VPS13B: variants seen among roughly 807,000 people sequenced by gnomAD.
VPS13B encodes intermembrane lipid transfer protein VPS13B.
A neutral mutation model predicts 426.4 loss-of-function variants in VPS13B; 285 were observed. The observed-to-expected ratio is 0.67, with a 90% CI of 0.61 to 0.74. The LOEUF (loss-of-function observed/expected upper bound fraction) is 0.74. Among genes scored for constraint, VPS13B ranks in the 30% least tolerant of loss-of-function variants. VPS13B has a pLI of 0.00. For missense variants in VPS13B, 4,537 were observed against 4,782.6 expected, an observed-to-expected ratio of 0.95 and a Z score of 1.51; for synonymous variants, 1,676 against 1,676.4, an observed-to-expected ratio of 1.00 and a Z score of 0.01.
At chr8:99,712,759 CAA>C (rs386360840) in intron 36 of VPS13B, among the ~76,000 whole-genome samples, 5,072 of 98,034 alleles carry the variant, frequency 0.052, 99 homozygotes, top group East Asian at 0.076. Flanking sequence ...GTCCCCAAGC[CAA>C]AAAAAAAAAA....
intron 39 of VPS13B, among the ~76,000 whole-genome samples, chr8:99,724,696 C>T (rs1833264222): frequency 6.6e-6 from 1 of 152,130 alleles, no homozygotes; most frequent in South Asian, 2.1e-4. Context: ...CTTGTTTCCT[C>T]CCCTCCGCTT....
chr8:99,772,661 T>C (rs1266263287), intron 40 of VPS13B, among the ~76,000 whole-genome samples: 1 of 152,220 alleles, frequency 6.6e-6, no homozygotes, highest in African/African-American at 2.4e-5. Flanking sequence ...GAAAATAGTA[T>C]GCATCATATT....
Position 99,824,052 on chromosome 8 carries a change from C to T in VPS13B, c.9330+74C>T, listed in dbSNP as rs570312425. The stretch of plus-strand genomic sequence containing the variant: ...ATAAATAGGATCAACTTCTCTTTAA[C>T]CTATAGCAAATGAAAAGCTAACCCT... On this transcript the variant is annotated intron_variant, in intron 51 of 61. Transcript: ENST00000357162. 62 of 1,541,624 alleles carry T rather than the reference C, an allele frequency of 4.0e-5. No homozygotes were observed. The African/African-American group carries it at 8.2e-4, about 20-fold the overall frequency.
At chr8:99,130,422 CTG>C (rs1331339855) in intron 8 of VPS13B, among the ~76,000 whole-genome samples, 1 of 147,938 alleles carries the variant, frequency 6.8e-6, no homozygotes, top group Non-Finnish European at 1.5e-5. Context: ...GAGTCTCACA[CTG>C]TTGCCCAGGC....
intron 19 of VPS13B, among the ~76,000 whole-genome samples, chr8:99,321,522 G>A (rs1809986741): frequency 1.3e-5 from 2 of 151,972 alleles, no homozygotes; most frequent in East Asian, 1.9e-4. Flanking sequence ...CCAAATTTTC[G>A]AATGTGCGTA....
In VPS13B at chr8:99,071,971, G is replaced by A. The variant is rs1844876084; in HGVS notation, c.292-24341G>A. 1.3e-5 allele frequency among the ~76,000 whole-genome samples: 2 copies of A among 152,290 alleles called. 1 individual carries two copies. Among genetic ancestry groups the A allele is most frequent in the South Asian group, 4.1e-4 (2 of 4,824 alleles). ...GGCCTGGGTCTGTCCCTTTAGGGCA[G>A]TGGGCTCCCCTCTGGCCCAGGACAG... On this transcript the variant is annotated intron_variant, in intron 3 of 61. Coordinates refer to ENST00000357162, the MANE Select transcript of VPS13B (RefSeq NM_152564.5).
chr8:99,822,293 G>A (rs1814413774), intron 50 of VPS13B, among the ~76,000 whole-genome samples: 1 of 152,156 alleles, frequency 6.6e-6, no homozygotes, highest in African/African-American at 2.4e-5. Context: ...AGTCTTTTGA[G>A]AAAAGTTAGG....
rs114523983 is a variant in VPS13B, at chr8:99,350,899, T to C, written c.2825-33309T>C. 7.2e-3 allele frequency among the ~76,000 whole-genome samples: 1,095 copies of C among 151,964 alleles called. 8 individuals carry two copies. Among genetic ancestry groups the C allele is most frequent in the African/African-American group, 0.025 (1,056 of 41,508 alleles). ...TGTAGTATGAATCAGGAGATTGTAA[T>C]ATGTAATATTTTGAGTTACCTTGAA... is the stretch of plus-strand genomic sequence containing the variant. On this transcript the variant is annotated intron_variant, in intron 19 of 61. Transcript: ENST00000357162.
intron 2 of VPS13B, among the ~76,000 whole-genome samples, chr8:99,027,143 C>G (rs1241859331): frequency 6.6e-6 from 1 of 152,152 alleles, no homozygotes; most frequent in Non-Finnish European, 1.5e-5. Flanking sequence ...TCCCAAAATG[C>G]TGGGAGTACA....
chr8:99,695,157 A>G (rs1359576244), intron 35 of VPS13B, among the ~76,000 whole-genome samples: 1 of 151,438 alleles, frequency 6.6e-6, no homozygotes, highest in Non-Finnish European at 1.5e-5. Context: ...TCAGGGATCT[A>G]AAACTAGAAA....
intron 33 of VPS13B, among the ~76,000 whole-genome samples, chr8:99,602,632 C>T (rs531983236): frequency 6.6e-6 from 1 of 152,276 alleles, no homozygotes; most frequent in African/African-American, 2.4e-5. Flanking sequence ...ATTTAGAAAA[C>T]CCCATTGTCT....
intron 19 of VPS13B, among the ~76,000 whole-genome samples, chr8:99,323,624 G>C (rs1471814356): frequency 1.3e-5 from 2 of 152,146 alleles, no homozygotes; most frequent in East Asian, 3.8e-4. Flanking sequence ...TAAATAATTG[G>C]AAATGGAAGT....
chr8:99,656,375 TTTA>T (rs1830018281), intron 34 of VPS13B, among the ~76,000 whole-genome samples: 1 of 152,154 alleles, frequency 6.6e-6, no homozygotes, highest in African/African-American at 2.4e-5. Flanking sequence ...TCAGCAGGAA[TTTA>T]TTATTTTTGA....
At chr8:99,558,410 TTTA>T (rs138533550) in intron 31 of VPS13B, among the ~76,000 whole-genome samples, 2 of 151,478 alleles carry the variant, frequency 1.3e-5, no homozygotes, top group Non-Finnish European at 2.9e-5. Context: ...ATGTTTTCTT[TTTA>T]TTATTATTAT....
In VPS13B at chr8:99,871,626, G is replaced by A. The variant is rs2130975882; in HGVS notation, c.11674G>A (p.Ala3892Thr). The A allele has an allele frequency of 1.2e-6, 2 of 1,614,210 alleles. No individual in the cohort carries two copies. The highest frequency in any genetic ancestry group is 1.1e-5 in the South Asian group (1 of 91,084). ...QAFPVTEIDC[A>T]QDSKQNNLLT... ...CTTCCCCGTCACAGAAATCGACTGT[G>A]CACAGGACAGCAAGCAGAACAACTT... The change falls in exon 61 of 62, where the codon GCA (alanine) becomes ACA (threonine). Residue 3892 changes from alanine (A) to threonine (T), a missense_variant. Physicochemically the swap from Ala to Thr is moderately conservative, Grantham distance 58. Around this residue, in one of 2 missense-constraint regions of VPS13B, gnomAD observed 4,311 missense variants for 4,474.3 expected, o/e 0.96. Coordinates refer to ENST00000357162, the MANE Select transcript of VPS13B (RefSeq NM_152564.5).
chr8:99,406,901 T>C (rs1170074791), intron 21 of VPS13B, among the ~76,000 whole-genome samples: 1 of 152,162 alleles, frequency 6.6e-6, no homozygotes, highest in East Asian at 1.9e-4. Context: ...ATAGGGTTTG[T>C]AACAATCATG....
chr8:99,146,175 T>G (rs1477184678), intron 13 of VPS13B, among the ~76,000 whole-genome samples: 1 of 152,244 alleles, frequency 6.6e-6, no homozygotes, highest in Non-Finnish European at 1.5e-5. Flanking sequence ...GTTTTAATGT[T>G]TTTCATTTTA....
At chr8:99,672,012 T>G (rs971000331) in intron 35 of VPS13B, among the ~76,000 whole-genome samples, 1 of 152,192 alleles carries the variant, frequency 6.6e-6, no homozygotes, top group Non-Finnish European at 1.5e-5. Flanking sequence ...CTATACTGTT[T>G]TGGTTATAGT....
intron 19 of VPS13B, among the ~76,000 whole-genome samples, chr8:99,314,174 C>G (rs186232848): frequency 6.6e-6 from 1 of 152,110 alleles, no homozygotes; most frequent in Non-Finnish European, 1.5e-5. Flanking sequence ...CACCCACTGT[C>G]CTGCCCCCAC....
Sources: allele counts gnomAD v4.1 joint callset (sites outside exome capture counted in the v4.1 genomes callset), GRCh38; gene constraint gnomAD v4.1.1; regional missense constraint gnomAD v4.1.1; transcripts MANE v1.5; gene names NCBI Gene and HGNC (gene_info 2026-07-23, HGNC 2026-07-21).